The following ZAN variants were observed in gnomAD, a reference collection of about 807,000 sequenced individuals.
ZAN encodes the protein zonadhesin, also known as zonadhesin (gene/pseudogene).
Under a neutral mutation model 286.2 loss-of-function variants are expected in ZAN, and 260 were observed. That is an observed-to-expected ratio of 0.91 (90% confidence interval 0.82 to 1.01). The LOEUF (loss-of-function observed/expected upper bound fraction) is 1.01, where lower values mean the gene tolerates loss of function less well. Among genes scored for constraint, ZAN ranks in the 50% least tolerant of loss-of-function variants. The pLI is 0.00. For synonymous variants in ZAN, 1,368 were observed against 1,417.5 expected, an observed-to-expected ratio of 0.97 and a Z score of 0.79; for missense variants, 3,410 against 3,639.2, an observed-to-expected ratio of 0.94 and a Z score of 1.62.
chr7:100,765,335 G>T lies in ZAN; in HGVS notation c.4268-17G>T, dbSNP rs1259774566. On this transcript the variant is annotated splice_polypyrimidine_tract_variant and intron_variant, in intron 22 of 47. Transcript: ENST00000613979. Reference sequence around the variant, plus strand: ...GCTTGTTCGTCTCCTTCTCACCCAAGCTTCTCCCTCCACCAGCAATGGCCT... The same window carrying T: ...GCTTGTTCGTCTCCTTCTCACCCAATCTTCTCCCTCCACCAGCAATGGCCT... The T allele has an allele frequency of 2.5e-6, 4 of 1,612,536 alleles. No homozygotes were observed. Among genetic ancestry groups the T allele is most frequent in the South Asian group, 2.2e-5 (2 of 90,780 alleles).
chr7:100,758,590 C>T lies in ZAN; in HGVS notation c.3511C>T (p.His1171Tyr). The T allele has an allele frequency of 6.4e-7, 1 of 1,566,712 alleles. No homozygotes were observed. Among genetic ancestry groups the T allele is most frequent in the East Asian group, 2.4e-5 (1 of 42,094 alleles). The part of the protein sequence containing the change: ...DPHYVTFDGR[H>Y]FGFMGKCTYI... ...TCATTATGTCACCTTTGACGGGAGG[C>T]ACTTTGGCTTCATGGGCAAGTGCAC... Residue 1171 changes from histidine (H) to tyrosine (Y), a missense_variant, in exon 17 of 48, where the codon CAC becomes TAC. Coordinates refer to ENST00000613979, the MANE Select transcript of ZAN (RefSeq NM_003386.3).
Position 100,752,243 on chromosome 7 carries a change from C to T in ZAN, c.2138C>T (p.Ser713Phe), listed in dbSNP as rs221830. 3 of 1,611,044 alleles carry T rather than the reference C, an allele frequency of 1.9e-6. No homozygotes were observed. Among genetic ancestry groups the T allele is most frequent in the Non-Finnish European group, 2.5e-6 (3 of 1,178,750 alleles). Residue 713 changes from serine to phenylalanine, a missense_variant, in exon 14 of 48, where the codon TCC becomes TTC. Transcript: ENST00000613979. ...TIISTEKPTI[S>F]PEKPTIPTEK... The stretch of plus-strand genomic sequence containing the variant: ...ATCTCCACAGAAAAACCCACCATCT[C>T]CCCAGAAAAACCCACCATCCCCACA...
rs956422216 is a variant in ZAN at position 100,786,213 on chromosome 7, G to T, written c.6979+72G>T. On this transcript the variant is annotated intron_variant, in intron 37 of 47. Transcript: ENST00000613979. ...AGGGCGGAGGTGGAGGAAGAGGCAG[G>T]GTGGGAAGGGGCTTAGCCTGAACCC... is the stretch of plus-strand genomic sequence containing the variant. 3.8e-6 allele frequency: 6 copies of T among 1,590,220 alleles called. No homozygotes were observed. In the African/African-American group the frequency reaches 5.4e-5, roughly 14 times the overall value.
At chr7:100,737,126 G>A (rs1807369674) in intron 5 of ZAN, 46 bp downstream of exon 5, 1 of 1,467,910 alleles carries the variant, frequency 6.8e-7, no homozygotes, top group Non-Finnish European at 9.3e-7. Context: ...GAGTCTGGGT[G>A]TTGGAGAGCC....
chr7:100,795,458 A>G lies in ZAN; in HGVS notation c.8266+122A>G, dbSNP rs931717994. On this transcript the variant is annotated intron_variant, in intron 45 of 47. Transcript: ENST00000613979. ...TATGTATTATAATATTATGTTACAG[A>G]TATTATATATTATAAACATAACAAT... 35 of 972,030 alleles carry G rather than the reference A, an allele frequency of 3.6e-5. No homozygotes were observed. The Admixed American group carries it at 5.0e-4, about 14-fold the overall frequency. The allele number at this position is 972,030 out of a possible 1,614,324, so 60.2% of individuals were successfully genotyped here.
chr7:100,761,614 A>G (rs1809585882), intron 19 of ZAN, among the ~76,000 whole-genome samples: 1 of 152,034 alleles, frequency 6.6e-6, no homozygotes, highest in Non-Finnish European at 1.5e-5. Context: ...AGCCTGAGCC[A>G]CAGAGGGTGA....
chr7:100,774,064 AG>A (rs59923300), intron 31 of ZAN, among the ~76,000 whole-genome samples, 199 bp downstream of exon 31: 9,343 of 152,166 alleles, frequency 0.061, 880 homozygotes, highest in African/African-American at 0.2. Context: ...CTTCTCCTGT[AG>A]CGGCCACCAA....
intron 37 of ZAN, among the ~76,000 whole-genome samples, chr7:100,786,658 G>A (rs533373805): frequency 6.6e-6 from 1 of 152,240 alleles, no homozygotes; most frequent in Admixed American, 6.5e-5. Flanking sequence ...TGTTCCTCCT[G>A]CCTCAGCCTC....
chr7:100,749,651 A>ATATAT (rs1554399726), intron 11 of ZAN, among the ~76,000 whole-genome samples: 28 of 109,420 alleles, frequency 2.6e-4, no homozygotes, highest in Middle Eastern at 4.9e-3. Context: ...AAAAAAAAAA[A>ATATAT]ATATATATAT....
chr7:100,758,778 T>A, intron 17 of ZAN, 128 bp downstream of exon 17: 1 of 1,433,142 alleles, frequency 7.0e-7, no homozygotes, highest in South Asian at 1.4e-5. Flanking sequence ...AGGAGCAAGT[T>A]CTTCTGTAAG....
Position 100,788,070 on chromosome 7 carries a change from C to T in ZAN, c.7161C>T (p.Phe2387=). ...NKMDPPRSSI[F]LQEVITTVYG... ...TGGATCCGCCCAGGAGCTCCATCTTCTTGCAGGAAGTGATTACCACCGTCT... is the reference window on the plus strand; with the variant it reads ...TGGATCCGCCCAGGAGCTCCATCTTTTTGCAGGAAGTGATTACCACCGTCT... Residue 2387 remains phenylalanine (F), a synonymous_variant, in exon 38 of 48, where the codon TTC becomes TTT. Transcript: ENST00000613979. The T allele has an allele frequency of 6.3e-7, 1 of 1,586,898 alleles. No homozygotes were observed.
chr7:100,757,058 G>A (rs543117718), intron 15 of ZAN, among the ~76,000 whole-genome samples: 29 of 152,238 alleles, frequency 1.9e-4, no homozygotes, highest in Non-Finnish European at 3.7e-4. Flanking sequence ...GTGAGCCACC[G>A]CGCCTGGCTG....
At chr7:100,748,510 A>G (rs1808393888) in intron 11 of ZAN, 40 bp downstream of exon 11, 5 of 1,578,296 alleles carry the variant, frequency 3.2e-6, no homozygotes, top group Admixed American at 1.9e-5. Flanking sequence ...GAAATCACTC[A>G]GTCTGCTCCC....
At chr7:100,750,435 G>A (rs191304194) in intron 11 of ZAN, among the ~76,000 whole-genome samples, 190 bp from the exon 12 acceptor site, 8 of 152,106 alleles carry the variant, frequency 5.3e-5, no homozygotes, top group Admixed American at 1.3e-4. Flanking sequence ...GTGCCTGGCC[G>A]CTTTTCCCTT....
chr7:100,765,707 G>GGT, intron 23 of ZAN, among the ~76,000 whole-genome samples, 153 bp downstream of exon 23: 1 of 152,238 alleles, frequency 6.6e-6, no homozygotes, highest in Non-Finnish European at 1.5e-5. Flanking sequence ...GGAGTGCAGT[G>GGT]GCACGATCTC....
At chr7:100,773,886 G>A in intron 31 of ZAN, 21 bp downstream of exon 31, 1 of 1,589,266 alleles carries the variant, frequency 6.3e-7, no homozygotes, top group Non-Finnish European at 8.6e-7. Context: ...CACGGTGATG[G>A]GGGGACTCCA....
intron 14 of ZAN, among the ~76,000 whole-genome samples, chr7:100,753,535 A>G (rs2115863676): frequency 6.6e-6 from 1 of 152,112 alleles, no homozygotes; most frequent in South Asian, 2.1e-4. Context: ...AAAGTGTACA[A>G]TTCTAGGCCG....
chr7:100,765,087 G>A (rs1332455897), intron 22 of ZAN, among the ~76,000 whole-genome samples: 14 of 152,158 alleles, frequency 9.2e-5, no homozygotes, highest in Non-Finnish European at 1.9e-4. Flanking sequence ...CCTGGGGCAT[G>A]TCTACACAGC....
At chr7:100,753,310 G>A in intron 14 of ZAN, 81 bp downstream of exon 14, 4 of 1,423,546 alleles carry the variant, frequency 2.8e-6, no homozygotes, top group Non-Finnish European at 3.7e-6. Flanking sequence ...GGATGCTTCT[G>A]GTAGAAGCCT....
Sources: allele counts gnomAD v4.1 joint callset (sites outside exome capture counted in the v4.1 genomes callset), GRCh38; gene constraint gnomAD v4.1.1; transcripts MANE v1.5; gene names NCBI Gene and HGNC (gene_info 2026-07-23, HGNC 2026-07-21).